GRIN2C: variants seen among roughly 807,000 people sequenced by gnomAD.
GRIN2C encodes the protein glutamate receptor ionotropic, NMDA 2C.
A neutral mutation model predicts 77.7 loss-of-function variants in GRIN2C; 64 were observed. The ratio of observed to expected loss-of-function variants is 0.82; its 90% confidence interval spans 0.67 to 1.01. The LOEUF (loss-of-function observed/expected upper bound fraction) is 1.01, where lower values mean the gene tolerates loss of function less well. GRIN2C is among the 50% of genes least tolerant of loss of function. GRIN2C has a pLI of 0.00. For synonymous variants in GRIN2C, 792 were observed against 643.4 expected, an observed-to-expected ratio of 1.23 and a Z score of -3.49; for missense variants, 1,549 against 1,486.0, an observed-to-expected ratio of 1.04 and a Z score of -0.70.
chr17:74,854,086 C>T (rs562742946), intron 2 of GRIN2C: 22 of 152,808 alleles, frequency 1.4e-4, no homozygotes, highest in African/African-American at 4.8e-4. Flanking sequence ...CCCACCGGCT[C>T]GCCCTTAGGC....
At chr17:74,858,401 GCCTAAAATGGGGGAGGGAT>G (rs375352175) in intron 1 of GRIN2C, among the ~76,000 whole-genome samples, 20,348 of 150,572 alleles carry the variant, frequency 0.14, 1,705 homozygotes, top group Middle Eastern at 0.25. Context: ...TAATCAAGGG[GCCTAAAATGGGGGAGGGAT>G]CCCAGAATAC....
At position 74,844,528 on chromosome 17, in the gene GRIN2C, A is replaced by C. The variant is rs751964847; in HGVS notation, c.2351-20T>G. ...TCTCTCCTGGAGTTGGGGGGTGTACACATCTGGCTCAGGAAACCCCCCTAT... is the reference window on the plus strand; with the variant it reads ...TCTCTCCTGGAGTTGGGGGGTGTACCCATCTGGCTCAGGAAACCCCCCTAT... On this transcript the variant is annotated intron_variant, in intron 11 of 12. Coordinates refer to ENST00000293190, the MANE Select transcript of GRIN2C (RefSeq NM_000835.6). 1 of 1,607,980 alleles carries C rather than the reference A, an allele frequency of 6.2e-7. No homozygotes were observed. The highest frequency in any genetic ancestry group is 8.5e-7 in the Non-Finnish European group (1 of 1,175,154).
At chr17:74,856,747 G>GA (rs2037831341) in intron 1 of GRIN2C, among the ~76,000 whole-genome samples, 1 of 152,004 alleles carries the variant, frequency 6.6e-6, no homozygotes, top group African/African-American at 2.4e-5. Flanking sequence ...CCAAAGTGCT[G>GA]GGATTACAGG....
chr17:74,843,376 CGATGGTGCGAGTGG>C lies in GRIN2C; in HGVS notation c.2747_2760del (p.Ala916GlyfsTer358). On this transcript the variant is annotated frameshift_variant, in exon 13 of 13. Transcript: ENST00000293190. LOFTEE classifies it low-confidence loss of function (END_TRUNC). ...GCACGGCGGCCGCCACCCCAATTCT[CGATGGTGCGAGTGG>C]CGCGGTCCAGGGAGCTGCTTACGCC... is the stretch of plus-strand genomic sequence containing the variant. The C allele has an allele frequency of 6.5e-7, 1 of 1,531,186 alleles. No homozygotes were observed. The highest frequency in any genetic ancestry group is 8.7e-7 in the Non-Finnish European group (1 of 1,143,516). The allele number at this position is 1,531,186 out of a possible 1,614,324, so 94.8% of individuals were successfully genotyped here.
Position 74,850,233 on chromosome 17 carries a change from G to GTT in GRIN2C, c.1463_1464insAA (p.Gly489ThrfsTer7). ...CCCCAATCATGCCGTTCCATACGCC[G>GTT]CGCACCCGCTTGCCATGCTTGCCGT... On this transcript the variant is annotated frameshift_variant, in exon 6 of 13. Coordinates refer to ENST00000293190, the MANE Select transcript of GRIN2C (RefSeq NM_000835.6). LOFTEE classifies it high-confidence loss of function. The surrounding 1 kb of genome is among the most constrained non-coding windows in gnomAD (Gnocchi z 5.3). 2 of 1,613,620 alleles carry GTT rather than the reference G, an allele frequency of 1.2e-6. No homozygotes were observed. Among genetic ancestry groups the GTT allele is most frequent in the Non-Finnish European group, 1.7e-6 (2 of 1,179,990 alleles).
At chr17:74,858,507 TTC>T (rs1265729621) in intron 1 of GRIN2C, among the ~76,000 whole-genome samples, 3 of 151,960 alleles carry the variant, frequency 2.0e-5, no homozygotes, top group Non-Finnish European at 4.4e-5. Flanking sequence ...AGCTTCCGAA[TTC>T]TGTCTCATCA....
chr17:74,848,498 G>A (rs371453687), intron 7 of GRIN2C, among the ~76,000 whole-genome samples: 1 of 152,192 alleles, frequency 6.6e-6, no homozygotes, highest in South Asian at 2.1e-4. Flanking sequence ...CGGATCGTTC[G>A]AGACCAGCCT....
chr17:74,860,515 C>G, upstream of GRIN2C: 3 of 456,458 alleles, frequency 6.6e-6, no homozygotes, highest in South Asian at 4.6e-5. Flanking sequence ...CTTTGCTCCG[C>G]GTGTCCCCGC....
chr17:74,854,689 T>C lies in GRIN2C; in HGVS notation c.399+5A>G, dbSNP rs755895481. 4.4e-6 allele frequency: 7 copies of C among 1,601,264 alleles called. No homozygotes were observed. Among genetic ancestry groups the C allele is most frequent in the African/African-American group, 1.3e-5 (1 of 74,708 alleles). ...GCACGAGGGGACATGAGTTTGGACA[T>C]GCACCTTGGGGGTGAGGACCACAGC... On this transcript the variant is annotated splice_donor_5th_base_variant and intron_variant, in intron 2 of 12. Transcript: ENST00000293190.
At chr17:74,858,212 C>T (rs777439468) in intron 1 of GRIN2C, among the ~76,000 whole-genome samples, 1 of 152,134 alleles carries the variant, frequency 6.6e-6, no homozygotes, top group Non-Finnish European at 1.5e-5. Context: ...ACCTAGAGCT[C>T]ATTCACATGA....
Position 74,846,793 on chromosome 17 carries a change from G to T in GRIN2C, c.2129C>A (p.Ser710Ter). The change falls in exon 10 of 13, where the codon TCG (serine) becomes TAG (stop). Residue 710 changes from serine (S) to a stop codon, truncating the protein, a stop_gained. Transcript: ENST00000293190. LOFTEE classifies it high-confidence loss of function. This position sits in a 1 kb window ranked among gnomAD's most constrained non-coding sequence, Gnocchi z 4.4. ...HTHMVKFNQR[S>*]VEDALTSLKM... is the part of the protein sequence containing the mutation. ...GAGGCTGGTGAGCGCGTCCTCCACC[G>T]AGCGCTGGTTGAACTTGACCATGTG... The T allele has an allele frequency of 6.2e-7, 1 of 1,614,104 alleles. No homozygotes were observed. Among genetic ancestry groups the T allele is most frequent in the Non-Finnish European group, 8.5e-7 (1 of 1,180,002 alleles).
chr17:74,854,904 C>T lies in GRIN2C; in HGVS notation c.189G>A (p.Gln63=), dbSNP rs763600124. The T allele has an allele frequency of 5.0e-6, 8 of 1,613,294 alleles. No homozygotes were observed. In the East Asian group the frequency reaches 1.6e-4, roughly 31 times the overall value. The change falls in exon 2 of 13, where the codon CAG becomes CAA. Residue 63 remains glutamine, a synonymous_variant. Coordinates refer to ENST00000293190, the MANE Select transcript of GRIN2C (RefSeq NM_000835.6). ...QSFLDLPLEI[Q]PLTVGVNTTN... is the part of the protein sequence containing the mutation. ...TGGTGTTGACCCCAACTGTGAGCGG[C>T]TGGATCTCCAGGGGTAGGTCCAGGA...
Position 74,850,848 on chromosome 17 carries a change from A to T in GRIN2C, c.1114-81T>A. 8.5e-7 allele frequency: 1 copy of T among 1,177,080 alleles called. No individual in the cohort carries two copies. Among genetic ancestry groups the T allele is most frequent in the Non-Finnish European group, 1.2e-6 (1 of 811,366 alleles). 72.9% of individuals were successfully genotyped at this position (1,177,080 alleles called of 1,614,324 possible). A position where few individuals can be genotyped will look rare whatever the true frequency, so the allele number is the denominator to read the frequency against. Reference sequence around the variant, plus strand: ...TAGGTGGAGCCTGCCAGGGCCAAGAATCTCCCTCTCTCACCTAGGGATGCT... The same window carrying T: ...TAGGTGGAGCCTGCCAGGGCCAAGATTCTCCCTCTCTCACCTAGGGATGCT... On this transcript the variant is annotated intron_variant, in intron 4 of 12. Coordinates refer to ENST00000293190, the MANE Select transcript of GRIN2C (RefSeq NM_000835.6). This position sits in a 1 kb window ranked among gnomAD's most constrained non-coding sequence, Gnocchi z 5.3.
intron 2 of GRIN2C, 200 bp from the exon 3 acceptor site, chr17:74,852,811 C>A (rs2144604418): frequency 4.7e-6 from 2 of 427,722 alleles, no homozygotes; most frequent in Middle Eastern, 5.8e-4. Context: ...GCCCGGCCCC[C>A]AGCCCACCAC....
Position 74,849,271 on chromosome 17 carries a change from A to G in GRIN2C, c.1645+509T>C, listed in dbSNP as rs1420465495. 6.6e-6 allele frequency among the ~76,000 whole-genome samples: 1 copy of G among 152,082 alleles called. No individual in the cohort carries two copies. Among genetic ancestry groups the G allele is most frequent in the African/African-American group, 2.4e-5 (1 of 41,402 alleles). ...TCCCCTGCCCCTCGCCTGTCTTCACAGCTCTCTGCCACCTCACACTTCATG... is the reference window on the plus strand; with the variant it reads ...TCCCCTGCCCCTCGCCTGTCTTCACGGCTCTCTGCCACCTCACACTTCATG... On this transcript the variant is annotated intron_variant, in intron 7 of 12. Transcript: ENST00000293190. This position sits in a 1 kb window ranked among gnomAD's most constrained non-coding sequence, Gnocchi z 4.6.
In GRIN2C at chr17:74,852,515, C is replaced by T. The variant is rs774454322; in HGVS notation, c.496G>A (p.Ala166Thr). Residue 166 changes from alanine (A) to threonine (T), a missense_variant, in exon 3 of 13, where the codon GCC becomes ACC. This residue lies in a region of GRIN2C where 382 missense variants were observed against 360.0 expected (regional missense o/e 1.06). Transcript: ENST00000293190. ...VLEEYDWSAF[A>T]VITSLHPGHA... ...CCCGGGTGCAGGCTGGTGATGACGG[C>T]GAAGGCGCTCCAGTCGTACTCTTCC... 5 of 1,568,114 alleles carry T rather than the reference C, an allele frequency of 3.2e-6. No homozygotes were observed. The highest frequency in any genetic ancestry group is 2.3e-5 in the South Asian group (2 of 86,748).
rs1209357387 is a variant in GRIN2C at position 74,854,997 on chromosome 17, C to T, written c.96G>A (p.Val32=). The T allele has an allele frequency of 1.9e-6, 3 of 1,607,006 alleles. No individual in the cohort carries two copies. The East Asian group carries it at 6.7e-5, about 36-fold the overall frequency. ...GPGQGEQGMT[V]AVVFSSSGPP... ...GCCCTGAGCTGCTAAACACCACGGCCACCGTCATGCCCTGCTCGCCCTGCC... is the reference window on the plus strand; with the variant it reads ...GCCCTGAGCTGCTAAACACCACGGCTACCGTCATGCCCTGCTCGCCCTGCC... Residue 32 remains valine, a synonymous_variant, in exon 2 of 13, where the codon GTG becomes GTA. Transcript: ENST00000293190.
rs991838701 is a variant in GRIN2C, at chr17:74,843,226, C to T, written c.2911G>A (p.Val971Met). 3.4e-6 allele frequency: 2 copies of T among 590,794 alleles called. No individual in the cohort carries two copies. The highest frequency in any genetic ancestry group is 5.2e-6 in the Non-Finnish European group (2 of 381,390). 36.6% of individuals were successfully genotyped at this position (590,794 alleles called of 1,614,324 possible). A position where few individuals can be genotyped will look rare whatever the true frequency, so the allele number is the denominator to read the frequency against. The change falls in exon 13 of 13, where the codon GTG (valine) becomes ATG (methionine). Residue 971 changes from valine to methionine, a missense_variant. By Grantham distance (21) the Val-to-Met change is conservative. Around this residue, in one of 3 missense-constraint regions of GRIN2C, gnomAD observed 450 missense variants for 267.9 expected, o/e 1.68. Coordinates refer to ENST00000293190, the MANE Select transcript of GRIN2C (RefSeq NM_000835.6). ...CCCGGGGGCTGCGGAGCCCTGCGCA[C>T]AAGCGCCGCGCGACCCCCGTCTGGC... is the stretch of plus-strand genomic sequence containing the variant. ...GPPDGGRAAL[V>M]RRAPQPPGRP...
rs923249489 is a variant in GRIN2C at position 74,846,529 on chromosome 17, A to C, written c.2162+231T>G. 4.6e-5 allele frequency among the ~76,000 whole-genome samples: 7 copies of C among 151,378 alleles called. No homozygotes were observed. Among genetic ancestry groups the C allele is most frequent in the African/African-American group, 1.7e-4 (7 of 41,390 alleles). ...CTCCTAAGACTCAGAGAAGGTCCCA[A>C]CCACCACCTCAGGCTGAGGCTGAAC... On this transcript the variant is annotated intron_variant, in intron 10 of 12. Transcript: ENST00000293190. This position sits in a 1 kb window ranked among gnomAD's most constrained non-coding sequence, Gnocchi z 4.4.
Sources: allele counts gnomAD v4.1 joint callset (sites outside exome capture counted in the v4.1 genomes callset), GRCh38; gene constraint gnomAD v4.1.1; regional missense constraint gnomAD v4.1.1; non-coding constraint Gnocchi (gnomAD v3.1); transcripts MANE v1.5; gene names NCBI Gene and HGNC (gene_info 2026-07-23, HGNC 2026-07-21).